Variants in NLRP14 observed in about 807,000 individuals in gnomAD.
NLRP14 encodes the protein NACHT, LRR and PYD domains-containing protein 14.
A neutral mutation model predicts 94.7 loss-of-function variants in NLRP14; 105 were observed. The observed-to-expected ratio is 1.11, with a 90% CI of 0.95 to 1.30. The LOEUF is 1.30. Among genes scored for constraint, NLRP14 ranks in the 50% most tolerant of loss-of-function variants. The pLI is 0.00. For missense variants in NLRP14, 1,362 were observed against 1,254.1 expected (o/e 1.09, Z -1.30); for synonymous variants, 508 against 459.9 (o/e 1.10, Z -1.34).
At chr11:7,022,102 G>A (rs1851953059) in intron 1 of NLRP14, among the ~76,000 whole-genome samples, 1 of 152,160 alleles carries the variant, frequency 6.6e-6, no homozygotes, top group Non-Finnish European at 1.5e-5. Flanking sequence ...ATTCTACCCA[G>A]TTACAGTTTG....
intron 6 of NLRP14, among the ~76,000 whole-genome samples, chr11:7,051,684 T>C (rs1473430892): frequency 6.6e-5 from 10 of 152,214 alleles, no homozygotes; most frequent in Non-Finnish European, 1.5e-4. Context: ...TGGTGCGATC[T>C]CGGCTCACTG....
chr11:7,089,130 G>T, the NLRP14 span: 1 of 1,613,854 alleles, frequency 6.2e-7, no homozygotes, highest in Non-Finnish European at 8.5e-7. Context: ...CATGGTTGAA[G>T]CGGATCGCCC....
At chr11:7,073,974 G>A (rs1370029785), downstream of NLRP14, among the ~76,000 whole-genome samples, 1 of 152,140 alleles carries the variant, frequency 6.6e-6, no homozygotes, top group Non-Finnish European at 1.5e-5. Context: ...GATGGGGAGT[G>A]CTGAAAATTC....
chr11:7,028,395 C>A (rs887231367), intron 1 of NLRP14, among the ~76,000 whole-genome samples: 1 of 152,144 alleles, frequency 6.6e-6, no homozygotes, highest in Non-Finnish European at 1.5e-5. Flanking sequence ...ACTTTCAGCA[C>A]CACGACTGCT....
the NLRP14 span, among the ~76,000 whole-genome samples, chr11:7,088,082 A>T: frequency 6.6e-6 from 1 of 152,210 alleles, no homozygotes; most frequent in East Asian, 1.9e-4. Context: ...ATAAAAAACA[A>T]GTTAGAAAAG....
the NLRP14 span, among the ~76,000 whole-genome samples, chr11:7,087,458 G>C: frequency 6.6e-6 from 1 of 152,144 alleles, no homozygotes; most frequent in Non-Finnish European, 1.5e-5. Context: ...TGGCTATCTG[G>C]TCTTATTGTG....
At chr11:7,046,520 C>T (rs1852352389) in intron 4 of NLRP14, 148 bp from the exon 5 acceptor site, 6 of 736,084 alleles carry the variant, frequency 8.2e-6, no homozygotes, top group Non-Finnish European at 1.4e-5. Context: ...GGAAGACTTC[C>T]TGGTGGACTG....
chr11:7,048,290 A>C (rs1172928251), intron 5 of NLRP14, among the ~76,000 whole-genome samples: 1 of 152,040 alleles, frequency 6.6e-6, no homozygotes, highest in East Asian at 1.9e-4. Context: ...TTTAAATTTT[A>C]ATTTATCTTA....
rs78871681 is a variant in NLRP14 at position 7,024,628 on chromosome 11, G to A, written c.-22+3858G>A. ...TCCTTTCTTACCCCTGCTGCTTTGT[G>A]TCCATATCTGTCACAAATCTTTCAT... On this transcript the variant is annotated intron_variant, in intron 1 of 11. Transcript: ENST00000299481. Among the ~76,000 whole-genome samples, 564 of 152,240 alleles carry A rather than the reference G, an allele frequency of 3.7e-3. 5 individuals carry two copies. The highest frequency in any genetic ancestry group is 0.013 in the African/African-American group (533 of 41,540).
At position 7,063,487 on chromosome 11, in the gene NLRP14, C is replaced by T. The variant is rs374292900; in HGVS notation, c.2975+984C>T. On this transcript the variant is annotated intron_variant, in intron 10 of 11. Transcript: ENST00000299481. ...CTGCTGTTTGTCCCTCAAGGTTGCTCATTACAAACACAATCCTGGAAAATG... is the reference window on the plus strand; with the variant it reads ...CTGCTGTTTGTCCCTCAAGGTTGCTTATTACAAACACAATCCTGGAAAATG... Among the ~76,000 whole-genome samples, 6 of 152,146 alleles carry T rather than the reference C, an allele frequency of 3.9e-5. No individual in the cohort carries two copies. In the East Asian group the frequency reaches 1.2e-3, roughly 29 times the overall value.
chr11:7,047,758 C>CTTTTT (rs1318173154), intron 5 of NLRP14, among the ~76,000 whole-genome samples: 3 of 84,680 alleles, frequency 3.5e-5, no homozygotes, highest in African/African-American at 1.2e-4. Flanking sequence ...CTTTCTCTTT[C>CTTTTT]TTTTCTTTTC....
intron 1 of NLRP14, among the ~76,000 whole-genome samples, chr11:7,033,470 T>G (rs935371496): frequency 2.0e-5 from 3 of 152,214 alleles, no homozygotes; most frequent in Non-Finnish European, 4.4e-5. Flanking sequence ...GTTCACTAGT[T>G]TTTCCATAGT....
intron 1 of NLRP14, among the ~76,000 whole-genome samples, chr11:7,021,878 G>A (rs1851947628): frequency 1.3e-5 from 2 of 151,550 alleles, no homozygotes; most frequent in Middle Eastern, 6.8e-3. Flanking sequence ...ACGAACACTG[G>A]AAGTGGGCTG....
chr11:7,058,200 C>G (rs568493494), intron 7 of NLRP14, 80 bp from the exon 8 acceptor site: 1 of 1,182,912 alleles, frequency 8.5e-7, no homozygotes, highest in East Asian at 2.3e-5. Flanking sequence ...GTTATAAGTG[C>G]CACTGATTTC....
chr11:7,090,145 G>A, the NLRP14 span: 19 of 1,613,494 alleles, frequency 1.2e-5, no homozygotes, highest in Admixed American at 6.7e-5. Context: ...GGCCGACACC[G>A]GGTGGGCAGA....
chr11:7,058,637 C>G lies in NLRP14; in HGVS notation c.2633+187C>G, dbSNP rs1209154881. 5.3e-5 allele frequency among the ~76,000 whole-genome samples: 8 copies of G among 151,942 alleles called. No individual in the cohort carries two copies. The East Asian group carries it at 1.5e-3, about 29-fold the overall frequency. On this transcript the variant is annotated intron_variant, in intron 8 of 11. Coordinates refer to ENST00000299481, the MANE Select transcript of NLRP14 (RefSeq NM_176822.4). Reference sequence around the variant, plus strand: ...ACTCTACTCTGGATCTTGTTTTAAACATGCTTAATCTGCAAAATAGTACCC... The same window carrying G: ...ACTCTACTCTGGATCTTGTTTTAAAGATGCTTAATCTGCAAAATAGTACCC...
At chr11:7,087,945 TTA>T in the NLRP14 span, among the ~76,000 whole-genome samples, 1 of 152,206 alleles carries the variant, frequency 6.6e-6, no homozygotes, top group Non-Finnish European at 1.5e-5. Context: ...TTCTCAATTT[TTA>T]TATATCTCAC....
downstream of NLRP14, among the ~76,000 whole-genome samples, chr11:7,072,014 T>C (rs1267558823): frequency 1.3e-5 from 2 of 152,210 alleles, no homozygotes; most frequent in African/African-American, 4.8e-5. Flanking sequence ...GATTCTTTCA[T>C]TTGGCAAGAG....
intron 5 of NLRP14, 136 bp from the exon 6 acceptor site, chr11:7,049,534 TA>T: frequency 1.4e-6 from 1 of 703,476 alleles, no homozygotes; most frequent in Non-Finnish European, 2.4e-6. Context: ...ATTGAAGTTA[TA>T]ACCCAATTGT....
Sources: gnomAD v4.1 joint callset for allele counts (sites outside exome capture counted in the v4.1 genomes callset) on GRCh38, gnomAD v4.1.1 for gene constraint, MANE v1.5 for transcripts, NCBI Gene and HGNC (gene_info 2026-07-23, HGNC 2026-07-21) for gene names.